GRIK4: variants seen among roughly 807,000 people sequenced by gnomAD.
The protein encoded by GRIK4 is glutamate ionotropic receptor kainate type subunit 4.
In GRIK4, 40 loss-of-function variants were observed where a neutral mutation model predicts 104.9. That is an observed-to-expected ratio of 0.38 (90% CI 0.30 to 0.50). The LOEUF is 0.50. GRIK4 is among the 20% of genes least tolerant of loss of function. The pLI is 0.93. For missense variants in GRIK4, 1,047 were observed against 1,308.1 expected, an observed-to-expected ratio of 0.80 and a Z score of 3.08; for synonymous variants, 485 against 524.9, an observed-to-expected ratio of 0.92 and a Z score of 1.04.
At chr11:120,942,339 T>G (rs1363683676) in intron 14 of GRIK4, among the ~76,000 whole-genome samples, 1 of 152,158 alleles carries the variant, frequency 6.6e-6, no homozygotes. Context: ...CCAGCACCAT[T>G]TCTGGAGCTC....
intron 1 of GRIK4, among the ~76,000 whole-genome samples, chr11:120,585,863 C>G (rs912350846): frequency 6.6e-5 from 10 of 151,906 alleles, no homozygotes; most frequent in African/African-American, 2.4e-4. Context: ...GGGGGAGGAA[C>G]TAATGGTGAC....
intron 13 of GRIK4, among the ~76,000 whole-genome samples, chr11:120,922,937 T>G (rs1366639015): frequency 6.6e-6 from 1 of 152,190 alleles, no homozygotes; most frequent in African/African-American, 2.4e-5. Context: ...AATAGCAGCA[T>G]GTAGTATGGT....
At chr11:120,769,217 C>G (rs1319904414) in intron 3 of GRIK4, among the ~76,000 whole-genome samples, 2 of 151,840 alleles carry the variant, frequency 1.3e-5, no homozygotes, top group East Asian at 3.9e-4. Context: ...TCTTTATTTG[C>G]TATTGGTCTG....
chr11:120,628,712 G>C (rs1171337275), intron 1 of GRIK4, among the ~76,000 whole-genome samples: 1 of 152,176 alleles, frequency 6.6e-6, no homozygotes, highest in Non-Finnish European at 1.5e-5. Context: ...TTGGGACCCA[G>C]GTGAGTCCAG....
chr11:120,860,737 A>G (rs1358187680), intron 8 of GRIK4, among the ~76,000 whole-genome samples: 1 of 152,220 alleles, frequency 6.6e-6, no homozygotes, highest in Non-Finnish European at 1.5e-5. Context: ...TATCAAGTGA[A>G]TGAAAAAATT....
At chr11:120,932,985 T>C (rs566774140) in intron 13 of GRIK4, among the ~76,000 whole-genome samples, 2 of 152,290 alleles carry the variant, frequency 1.3e-5, no homozygotes, top group Non-Finnish European at 2.9e-5. Context: ...TTTAATTCAT[T>C]CTCCCCAAAG....
chr11:120,698,494 G>A (rs1230856678), intron 3 of GRIK4, among the ~76,000 whole-genome samples: 2 of 152,222 alleles, frequency 1.3e-5, no homozygotes, highest in African/African-American at 4.8e-5. Context: ...TGGATGAGAG[G>A]CATTAATGAG....
intron 3 of GRIK4, among the ~76,000 whole-genome samples, chr11:120,785,310 T>C (rs1031315462): frequency 6.6e-6 from 1 of 152,172 alleles, no homozygotes; most frequent in Admixed American, 6.5e-5. Flanking sequence ...TCTCCATGAC[T>C]GCTTTCAAAA....
intron 1 of GRIK4, among the ~76,000 whole-genome samples, chr11:120,534,468 C>T (rs756519478): frequency 7.2e-5 from 11 of 151,998 alleles, no homozygotes; most frequent in Non-Finnish European, 1.0e-4. Flanking sequence ...GAATGTTTAA[C>T]GCGACCAAAG....
chr11:120,815,482 G>T lies in GRIK4; in HGVS notation c.345+7G>T. ...CATCTGTGGAGAGAAGGAGGTGAGTGTGAGGCAGGGCTGGGGAATATCTGT... is the reference window on the plus strand; with the variant it reads ...CATCTGTGGAGAGAAGGAGGTGAGTTTGAGGCAGGGCTGGGGAATATCTGT... On this transcript the variant is annotated splice_region_variant and intron_variant, in intron 5 of 20. Transcript: ENST00000527524. The T allele has an allele frequency of 6.7e-7, 1 of 1,495,152 alleles. No individual in the cohort carries two copies. Among genetic ancestry groups the T allele is most frequent in the Non-Finnish European group, 9.1e-7 (1 of 1,099,516 alleles). The allele number at this position is 1,495,152 out of a possible 1,614,324, so 92.6% of individuals were successfully genotyped here. A position where few individuals can be genotyped will look rare whatever the true frequency, so the allele number is the denominator to read the frequency against.
chr11:120,648,735 G>A (rs545365416), intron 1 of GRIK4, among the ~76,000 whole-genome samples: 1 of 152,306 alleles, frequency 6.6e-6, no homozygotes, highest in African/African-American at 2.4e-5. Context: ...ACAGGCCCAG[G>A]TCTTGGAGCT....
Position 120,717,558 on chromosome 11 carries a change from A to T in GRIK4, c.82+57158A>T, listed in dbSNP as rs570531752. ...CAGGAAATCTGAGTCCTAAAAGTTT[A>T]AAAAAAAAAAAGCGATGGGAGAACT... On this transcript the variant is annotated intron_variant, in intron 3 of 20. Coordinates refer to ENST00000527524, the MANE Select transcript of GRIK4 (RefSeq NM_014619.5). Among the ~76,000 whole-genome samples, 64 of 142,878 alleles carry T rather than the reference A, an allele frequency of 4.5e-4. No homozygotes were observed. The East Asian group carries it at 9.2e-3, about 21-fold the overall frequency. 93.7% of individuals were successfully genotyped at this position (142,878 alleles called of 152,430 possible). A position where few individuals can be genotyped will look rare whatever the true frequency, so the allele number is the denominator to read the frequency against.
intron 9 of GRIK4, among the ~76,000 whole-genome samples, chr11:120,864,837 T>C (rs887066645): frequency 6.6e-5 from 10 of 152,222 alleles, no homozygotes; most frequent in Admixed American, 5.9e-4. Context: ...AGCGCTGCCA[T>C]GGTCAGACAG....
intron 3 of GRIK4, among the ~76,000 whole-genome samples, chr11:120,683,971 C>T (rs1200746988): frequency 2.6e-5 from 4 of 152,224 alleles, no homozygotes. Context: ...AAGTACAGAA[C>T]TTTTCCAGAC....
At chr11:120,854,502 G>A (rs555637967) in intron 8 of GRIK4, among the ~76,000 whole-genome samples, 12 of 152,330 alleles carry the variant, frequency 7.9e-5, no homozygotes, top group Admixed American at 2.6e-4. Context: ...TGGGAAGGGA[G>A]CTGTTAAGGT....
chr11:120,674,419 C>T (rs933463844), intron 3 of GRIK4, among the ~76,000 whole-genome samples: 3 of 152,208 alleles, frequency 2.0e-5, no homozygotes, highest in Admixed American at 6.5e-5. Context: ...CATCCCCCTG[C>T]CCTGGCTCTT....
intron 3 of GRIK4, among the ~76,000 whole-genome samples, chr11:120,795,051 C>T (rs553338305): frequency 6.6e-6 from 1 of 152,140 alleles, no homozygotes; most frequent in East Asian, 1.9e-4. Flanking sequence ...AACGCACTCC[C>T]CAAGGTGCAA....
In GRIK4 at chr11:120,802,734, C is replaced by G; in HGVS notation, c.124C>G (p.Arg42Gly). ...CCCCATGGAGTGCAGCAGAGGGGAGCGGCTCTCCATCACCCTGGCCAAGAA... is the reference window on the plus strand; with the variant it reads ...CCCCATGGAGTGCAGCAGAGGGGAGGGGCTCTCCATCACCCTGGCCAAGAA... ...DDPMECSRGE[R>G]LSITLAKNRI... is the part of the protein sequence containing the mutation. Residue 42 changes from arginine to glycine, a missense_variant, in exon 4 of 21, where the codon CGG becomes GGG. Coordinates refer to ENST00000527524, the MANE Select transcript of GRIK4 (RefSeq NM_014619.5). 6.2e-7 allele frequency: 1 copy of G among 1,614,066 alleles called. No individual in the cohort carries two copies. The highest frequency in any genetic ancestry group is 8.5e-7 in the Non-Finnish European group (1 of 1,179,932).
At chr11:120,575,265 G>T (rs974235079) in intron 1 of GRIK4, among the ~76,000 whole-genome samples, 1 of 152,060 alleles carries the variant, frequency 6.6e-6, no homozygotes, top group African/African-American at 2.4e-5. Flanking sequence ...AGTCTGTGGC[G>T]GGCTCATGGT....
Sources: allele counts gnomAD v4.1 joint callset (sites outside exome capture counted in the v4.1 genomes callset), GRCh38; gene constraint gnomAD v4.1.1; transcripts MANE v1.5; gene names NCBI Gene and HGNC (gene_info 2026-07-23, HGNC 2026-07-21).